The following RBFOX1 variants were observed in gnomAD, a reference collection of about 807,000 sequenced individuals.
RBFOX1 encodes RNA binding fox-1 homolog 1, also known as RNA binding protein fox-1 homolog 1.
Under a neutral mutation model 57.7 loss-of-function variants are expected in RBFOX1, and 8 were observed. That is an observed-to-expected ratio of 0.14 (90% CI 0.08 to 0.25). The LOEUF (loss-of-function observed/expected upper bound fraction) is 0.25. RBFOX1 is among the 10% of genes least tolerant of loss of function. RBFOX1 has a pLI of 1.00. For missense variants in RBFOX1, 611 were observed against 548.5 expected (o/e 1.11, Z -1.14); for synonymous variants, 326 against 222.4 (o/e 1.47, Z -4.15).
intron 4 of RBFOX1, among the ~76,000 whole-genome samples, chr16:7,350,077 G>A (rs1219085331): frequency 2.0e-5 from 3 of 152,122 alleles, no homozygotes; most frequent in Non-Finnish European, 4.4e-5. Context: ...AACTTGGGAG[G>A]CAGAGGTTGC....
intron 3 of RBFOX1, among the ~76,000 whole-genome samples, chr16:5,792,538 G>C (rs959404298): frequency 6.6e-6 from 1 of 152,176 alleles, no homozygotes; most frequent in Non-Finnish European, 1.5e-5. Flanking sequence ...AAAAGAAAAT[G>C]GCATTAAGAA....
In RBFOX1 at chr16:7,712,047, C is replaced by G. The variant is rs2084073655; in HGVS notation, c.*1302C>G. ...GATGCAAAAAAAGAAAAAAGTACAT[C>G]CACCCTCTTAATCCCAAAAGAACAA... On this transcript the variant is annotated 3_prime_UTR_variant, in exon 16 of 16. Coordinates refer to ENST00000550418, the MANE Select transcript of RBFOX1 (RefSeq NM_018723.4). 6.6e-6 allele frequency: 1 copy of G among 152,552 alleles called. No homozygotes were observed. The highest frequency in any genetic ancestry group is 2.4e-5 in the African/African-American group (1 of 41,390). 9.4% of individuals were successfully genotyped at this position (152,552 alleles called of 1,614,324 possible).
chr16:6,901,033 T>G (rs2068350840), intron 3 of RBFOX1, among the ~76,000 whole-genome samples: 1 of 152,194 alleles, frequency 6.6e-6, no homozygotes, highest in Non-Finnish European at 1.5e-5. Flanking sequence ...ACCGACATTA[T>G]GTATACCGGG....
intron 2 of RBFOX1, among the ~76,000 whole-genome samples, chr16:6,516,158 A>C (rs1312043535): frequency 6.6e-6 from 1 of 152,124 alleles, no homozygotes; most frequent in Non-Finnish European, 1.5e-5. Context: ...CCTCCCGAGT[A>C]GCTGGGATTA....
chr16:7,273,529 G>T (rs999691989), intron 4 of RBFOX1, among the ~76,000 whole-genome samples: 3 of 152,104 alleles, frequency 2.0e-5, no homozygotes, highest in Non-Finnish European at 4.4e-5. Context: ...TATAAGCTCA[G>T]TACCATAGAC....
chr16:7,526,966 G>C (rs11644002), intron 5 of RBFOX1, among the ~76,000 whole-genome samples: 1 of 152,084 alleles, frequency 6.6e-6, no homozygotes, highest in Non-Finnish European at 1.5e-5. Flanking sequence ...TTCTAAATAG[G>C]TTGCTGTTGC....
chr16:5,293,588 G>C (rs1212245080), intron 1 of RBFOX1, among the ~76,000 whole-genome samples: 3 of 152,136 alleles, frequency 2.0e-5, no homozygotes, highest in East Asian at 3.9e-4. Context: ...CCATTGTATG[G>C]ATATAGCACA....
At chr16:5,346,244 C>T (rs2151305073) in intron 1 of RBFOX1, among the ~76,000 whole-genome samples, 1 of 152,218 alleles carries the variant, frequency 6.6e-6, no homozygotes, top group East Asian at 1.9e-4. Flanking sequence ...TCGGTATGCC[C>T]AGTTATAAGA....
chr16:6,667,057 T>A (rs1051062598), intron 3 of RBFOX1, among the ~76,000 whole-genome samples: 2 of 152,172 alleles, frequency 1.3e-5, no homozygotes, highest in African/African-American at 4.8e-5. Context: ...GAAAATGAGA[T>A]GTTAGTCGTA....
intron 3 of RBFOX1, among the ~76,000 whole-genome samples, chr16:6,690,369 G>T (rs2060029718): frequency 6.6e-6 from 1 of 151,906 alleles, no homozygotes; most frequent in African/African-American, 2.4e-5. Context: ...ATAATTCACA[G>T]ATCCATTCGT....
At chr16:6,672,459 G>C (rs2098772307) in intron 3 of RBFOX1, among the ~76,000 whole-genome samples, 2 of 148,960 alleles carry the variant, frequency 1.3e-5, no homozygotes, top group African/African-American at 5.0e-5. Flanking sequence ...GAAAGGAAAG[G>C]AAGGAAAGAA....
At chr16:6,506,090 C>T (rs1160504086) in intron 2 of RBFOX1, among the ~76,000 whole-genome samples, 1 of 152,232 alleles carries the variant, frequency 6.6e-6, no homozygotes, top group Non-Finnish European at 1.5e-5. Flanking sequence ...TTGCATATAT[C>T]CAGACATGCC....
intron 2 of RBFOX1, among the ~76,000 whole-genome samples, chr16:6,403,657 A>G (rs1478453187): frequency 1.3e-5 from 2 of 152,134 alleles, no homozygotes; most frequent in Admixed American, 1.3e-4. Context: ...GCCTGACATC[A>G]GAGACACTTC....
At chr16:7,445,628 C>T (rs1364861463) in intron 4 of RBFOX1, among the ~76,000 whole-genome samples, 3 of 152,182 alleles carry the variant, frequency 2.0e-5, no homozygotes, top group African/African-American at 7.2e-5. Flanking sequence ...ATCCAGAGAA[C>T]ATTTTCTTCT....
intron 2 of RBFOX1, among the ~76,000 whole-genome samples, chr16:6,442,504 C>T (rs1597313495): frequency 6.6e-6 from 1 of 151,706 alleles, no homozygotes; most frequent in African/African-American, 2.4e-5. Context: ...TTGCAGTGAG[C>T]TGAGATCACA....
At chr16:7,479,418 G>C (rs1013487718) in intron 4 of RBFOX1, among the ~76,000 whole-genome samples, 7 of 152,008 alleles carry the variant, frequency 4.6e-5, no homozygotes, top group Non-Finnish European at 1.0e-4. Context: ...GTATGAGCCG[G>C]GGTGCCTGGC....
chr16:7,443,891 A>G (rs980430820), intron 4 of RBFOX1, among the ~76,000 whole-genome samples: 3 of 152,216 alleles, frequency 2.0e-5, no homozygotes, highest in Admixed American at 6.5e-5. Context: ...TGAACTTCCT[A>G]CAATAGGGCA....
At chr16:6,841,523 A>C (rs2093461655) in intron 3 of RBFOX1, among the ~76,000 whole-genome samples, 1 of 152,102 alleles carries the variant, frequency 6.6e-6, no homozygotes, top group Non-Finnish European at 1.5e-5. Context: ...TTTCTGAACA[A>C]CCTAACCTCA....
chr16:7,645,837 G>C (rs1192237487), intron 11 of RBFOX1, among the ~76,000 whole-genome samples: 1 of 152,070 alleles, frequency 6.6e-6, no homozygotes, highest in Non-Finnish European at 1.5e-5. Context: ...TGTGTTTCAG[G>C]GATAAATGTA....
Sources: gnomAD v4.1 joint callset for allele counts (sites outside exome capture counted in the v4.1 genomes callset) on GRCh38, gnomAD v4.1.1 for gene constraint, MANE v1.5 for transcripts, NCBI Gene and HGNC (gene_info 2026-07-23, HGNC 2026-07-21) for gene names.